The following CEP128 variants were observed in gnomAD, a reference collection of about 807,000 sequenced individuals.
The protein encoded by CEP128 is centrosomal protein 128.
Under a neutral mutation model 156.7 loss-of-function variants are expected in CEP128, and 132 were observed. The ratio of observed to expected loss-of-function variants is 0.84; its 90% CI spans 0.73 to 0.97. The LOEUF is 0.97. CEP128 is among the 50% of genes least tolerant of loss of function. CEP128 has a pLI of 0.00. For missense variants in CEP128, 1,252 were observed against 1,281.9 expected, an observed-to-expected ratio of 0.98 and a Z score of 0.36; for synonymous variants, 469 against 448.9, an observed-to-expected ratio of 1.04 and a Z score of -0.57.
intron 13 of CEP128, among the ~76,000 whole-genome samples, chr14:80,802,861 G>C (rs1177205201): frequency 6.6e-6 from 1 of 152,024 alleles, no homozygotes; most frequent in African/African-American, 2.4e-5. Context: ...AAAAATAATT[G>C]AACATAATCC....
At chr14:80,822,288 C>A (rs1293805899) in intron 13 of CEP128, among the ~76,000 whole-genome samples, 1 of 152,196 alleles carries the variant, frequency 6.6e-6, no homozygotes, top group Non-Finnish European at 1.5e-5. Flanking sequence ...AAGTTAGTTA[C>A]TTCCTAGATA....
At chr14:80,488,877 C>G (rs113477312), downstream of CEP128, among the ~76,000 whole-genome samples, 2 of 150,372 alleles carry the variant, frequency 1.3e-5, no homozygotes, top group Non-Finnish European at 2.9e-5. Flanking sequence ...AGCAAACTAT[C>G]ACAAGGACAA....
At chr14:80,717,974 T>G (rs2139444038) in intron 19 of CEP128, among the ~76,000 whole-genome samples, 1 of 152,124 alleles carries the variant, frequency 6.6e-6, no homozygotes, top group Non-Finnish European at 1.5e-5. Flanking sequence ...ACCATCACAC[T>G]CAGCTAACTT....
Position 80,792,942 on chromosome 14 carries a change from G to A in CEP128, c.1378C>T (p.Arg460Trp), listed in dbSNP as rs367862042. ...HAEDATKQAE[R>W]YLSELQQSEA... ...GACTGCTGGAGCTCACTGAGGTACC[G>A]CTCAGCCTGCTTGGTTGCATCCTCC... is the stretch of plus-strand genomic sequence containing the variant. Residue 460 changes from arginine to tryptophan, a missense_variant, in exon 14 of 25, where the codon CGG becomes TGG. Coordinates refer to ENST00000555265, the MANE Select transcript of CEP128 (RefSeq NM_152446.5). 3.6e-5 allele frequency: 58 copies of A among 1,613,990 alleles called. No homozygotes were observed. The highest frequency in any genetic ancestry group is 1.3e-4 in the Admixed American group (8 of 59,960).
At position 80,916,374 on chromosome 14, in the gene CEP128, A is replaced by G. The variant is rs747908420; in HGVS notation, c.147+27T>C. 10 of 1,577,822 alleles carry G rather than the reference A, an allele frequency of 6.3e-6. No homozygotes were observed. The South Asian group carries it at 7.8e-5, about 12-fold the overall frequency. ...AAGCAGCTCAAACTATTTAAATTCT[A>G]TTAAATGCAACCATTGTTAAACTAA... is the stretch of plus-strand genomic sequence containing the variant. On this transcript the variant is annotated intron_variant, in intron 3 of 24. Coordinates refer to ENST00000555265, the MANE Select transcript of CEP128 (RefSeq NM_152446.5).
At chr14:80,493,985 T>C (rs768719013), downstream of CEP128, among the ~76,000 whole-genome samples, 4 of 152,212 alleles carry the variant, frequency 2.6e-5, no homozygotes, top group African/African-American at 4.8e-5. Context: ...AGTTCTGCTT[T>C]TCCATGTAAG....
At chr14:80,586,168 C>T (rs1176708683) in intron 19 of CEP128, among the ~76,000 whole-genome samples, 1 of 151,824 alleles carries the variant, frequency 6.6e-6, no homozygotes, top group East Asian at 1.9e-4. Context: ...TATATACTTT[C>T]TAATGTAAAT....
At chr14:80,862,621 G>T (rs1258815244) in intron 9 of CEP128, 136 bp downstream of exon 9, 4 of 664,438 alleles carry the variant, frequency 6.0e-6, no homozygotes, top group Admixed American at 2.3e-5. Context: ...TCTATACACT[G>T]AACTATAACC....
intron 14 of CEP128, among the ~76,000 whole-genome samples, chr14:80,483,932 A>C (rs2140149641): frequency 6.6e-6 from 1 of 152,298 alleles, no homozygotes; most frequent in East Asian, 1.9e-4. Context: ...AAGATGTTTA[A>C]CAGGTGATGG....
intron 2 of CEP128, among the ~76,000 whole-genome samples, chr14:80,930,854 A>C (rs1318553713): frequency 6.6e-6 from 1 of 152,242 alleles, no homozygotes; most frequent in Non-Finnish European, 1.5e-5. Flanking sequence ...GAAGTCCTTT[A>C]CTATTGGTGA....
intron 19 of CEP128, among the ~76,000 whole-genome samples, chr14:80,627,994 T>C (rs1354271061): frequency 1.3e-5 from 2 of 152,158 alleles, no homozygotes; most frequent in African/African-American, 4.8e-5. Flanking sequence ...GTTTGAAATA[T>C]CCTCAGCACA....
chr14:80,586,099 T>C (rs1015727547), intron 19 of CEP128, among the ~76,000 whole-genome samples: 5 of 152,024 alleles, frequency 3.3e-5, no homozygotes, highest in Admixed American at 1.3e-4. Flanking sequence ...AATAATCTAA[T>C]CCTAGGGTTG....
intron 12 of CEP128, among the ~76,000 whole-genome samples, chr14:80,834,707 T>C (rs189968733): frequency 2.2e-4 from 33 of 152,236 alleles, no homozygotes; most frequent in Admixed American, 2.2e-3. Flanking sequence ...ACATAAAAAA[T>C]GTGTTGGTCT....
rs773866363 is a variant in CEP128, at chr14:80,643,456, C to T, written c.2807-63033G>A. On this transcript the variant is annotated intron_variant, in intron 19 of 24. Transcript: ENST00000555265. ...GTGGCTGGCCGGGTGTGGTGGTTCA[C>T]GCCTGTAATCCCAACACTTTGGGAG... Among the ~76,000 whole-genome samples, 14 of 152,092 alleles carry T rather than the reference C, an allele frequency of 9.2e-5. 1 individual carries two copies. The highest frequency in any genetic ancestry group is 1.7e-4 in the African/African-American group (7 of 41,418).
At chr14:80,743,442 G>C (rs906490178) in intron 18 of CEP128, among the ~76,000 whole-genome samples, 175 bp from the exon 19 acceptor site, 1 of 152,110 alleles carries the variant, frequency 6.6e-6, no homozygotes, top group African/African-American at 2.4e-5. Context: ...GCAAGTAAAA[G>C]CTGGTTCAGA....
intron 19 of CEP128, among the ~76,000 whole-genome samples, chr14:80,733,086 A>G (rs961602278): frequency 6.6e-6 from 1 of 152,198 alleles, no homozygotes; most frequent in African/African-American, 2.4e-5. Flanking sequence ...AGTGGGCCTC[A>G]TCTAATCCAC....
intron 19 of CEP128, among the ~76,000 whole-genome samples, chr14:80,584,164 GTTT>G (rs1891711241): frequency 1.6e-5 from 1 of 61,388 alleles, no homozygotes; most frequent in African/African-American, 8.4e-5. Context: ...TTTTTTTTTT[GTTT>G]GACAGCGTCT....
chr14:80,788,385 G>A (rs1158584368), intron 14 of CEP128, among the ~76,000 whole-genome samples: 1 of 150,086 alleles, frequency 6.7e-6, no homozygotes, highest in Non-Finnish European at 1.5e-5. Context: ...AAACCTAAGG[G>A]GTTCCAAATT....
intron 19 of CEP128, among the ~76,000 whole-genome samples, chr14:80,668,986 T>C (rs970171992): frequency 6.6e-6 from 1 of 152,202 alleles, no homozygotes; most frequent in Non-Finnish European, 1.5e-5. Context: ...TCCCCAGCCA[T>C]GCAGAGCTGT....
Sources: allele counts gnomAD v4.1 joint callset (sites outside exome capture counted in the v4.1 genomes callset), GRCh38; gene constraint gnomAD v4.1.1; transcripts MANE v1.5; gene names NCBI Gene and HGNC (gene_info 2026-07-23, HGNC 2026-07-21).